Variants in ATP10A observed in about 807,000 individuals in gnomAD.
ATP10A encodes ATPase phospholipid transporting 10A (putative), also known as phospholipid-transporting ATPase VA.
A neutral mutation model predicts 147.8 loss-of-function variants in ATP10A; 111 were observed. The observed-to-expected ratio is 0.75, with a 90% CI of 0.64 to 0.88. The LOEUF (loss-of-function observed/expected upper bound fraction) is 0.88, where lower values mean the gene tolerates loss of function less well. Ranked by LOEUF, ATP10A falls within the 40% of genes least tolerant of loss-of-function variation. ATP10A has a pLI of 0.00. For missense variants in ATP10A, 1,927 were observed against 1,959.0 expected (o/e 0.98, Z 0.31); for synonymous variants, 875 against 841.6 (o/e 1.04, Z -0.69).
At chr15:25,830,825 C>G (rs1285404900) in intron 1 of ATP10A, among the ~76,000 whole-genome samples, 1 of 152,190 alleles carries the variant, frequency 6.6e-6, no homozygotes, top group Non-Finnish European at 1.5e-5. Context: ...AGGCTTTCAG[C>G]ACTTACCTGC....
At chr15:25,738,072 C>T (rs889151258) in intron 2 of ATP10A, among the ~76,000 whole-genome samples, 7 of 152,218 alleles carry the variant, frequency 4.6e-5, no homozygotes, top group Admixed American at 3.3e-4. Flanking sequence ...AAAAGCATTT[C>T]ATATCCAGAG....
At chr15:25,688,302 C>T (rs1056758737) in intron 15 of ATP10A, among the ~76,000 whole-genome samples, 6 of 152,124 alleles carry the variant, frequency 3.9e-5, no homozygotes, top group Admixed American at 1.3e-4. Flanking sequence ...TTGGGCTGTT[C>T]CCCCCAGAAG....
At chr15:25,724,274 T>A (rs1902417409) in intron 5 of ATP10A, among the ~76,000 whole-genome samples, 1 of 152,206 alleles carries the variant, frequency 6.6e-6, no homozygotes, top group Admixed American at 6.5e-5. Context: ...TGGCACCACT[T>A]GTCCCAACAC....
intron 2 of ATP10A, among the ~76,000 whole-genome samples, chr15:25,756,281 G>A (rs1231068605): frequency 1.3e-5 from 2 of 152,186 alleles, no homozygotes; most frequent in Non-Finnish European, 1.5e-5. Context: ...CTATATGTCT[G>A]TATGTGTTCT....
intron 1 of ATP10A, among the ~76,000 whole-genome samples, chr15:25,789,913 TG>T (rs1431210383): frequency 6.6e-6 from 1 of 152,150 alleles, no homozygotes; most frequent in Non-Finnish European, 1.5e-5. Flanking sequence ...AAATGCCTCC[TG>T]GGGGTGCAAA....
intron 1 of ATP10A, among the ~76,000 whole-genome samples, chr15:25,852,320 T>C (rs1015190587): frequency 6.6e-6 from 1 of 152,170 alleles, no homozygotes; most frequent in African/African-American, 2.4e-5. Context: ...CTCCCTCCTA[T>C]TGAATGCCAT....
chr15:25,683,079 G>A (rs538862161), intron 17 of ATP10A, among the ~76,000 whole-genome samples: 6 of 150,934 alleles, frequency 4.0e-5, no homozygotes, highest in African/African-American at 1.5e-4. Context: ...ACTCTTGGAG[G>A]GGGGACAGTT....
chr15:25,676,654 T>C (rs932740672), downstream of ATP10A, among the ~76,000 whole-genome samples: 1 of 152,228 alleles, frequency 6.6e-6, no homozygotes, highest in Admixed American at 6.5e-5. Flanking sequence ...GCGATTCTCA[T>C]GTCCTGAGAA....
At chr15:25,711,436 T>C (rs1308058450) in intron 10 of ATP10A, among the ~76,000 whole-genome samples, 1 of 152,114 alleles carries the variant, frequency 6.6e-6, no homozygotes, top group African/African-American at 2.4e-5. Context: ...GATCTGTGCA[T>C]AAGGGCAGGC....
Position 25,679,533 on chromosome 15 carries a change from G to C in ATP10A, c.4308C>G (p.Ser1436Arg), listed in dbSNP as rs371918462. Residue 1436 changes from serine (S) to arginine (R), a missense_variant, in exon 21 of 21, where the codon AGC becomes AGG. By Grantham distance (110) the Ser-to-Arg change is moderately radical (BLOSUM62 -1). Transcript: ENST00000555815. ...ACCAGGAGGAAATCCAGTTGAGTAA[G>C]CTGAAGGTAGGCAGGCTGAAGAGGG... is the stretch of plus-strand genomic sequence containing the variant. ...LSSLFSLPTFSLLNWISSWSL... is the reference protein window; with the variant it reads ...LSSLFSLPTFRLLNWISSWSL... The C allele has an allele frequency of 6.2e-7, 1 of 1,613,306 alleles. No homozygotes were observed. The highest frequency in any genetic ancestry group is 8.5e-7 in the Non-Finnish European group (1 of 1,179,380).
chr15:25,686,222 G>A (rs1295849192), intron 16 of ATP10A, among the ~76,000 whole-genome samples: 1 of 152,142 alleles, frequency 6.6e-6, no homozygotes, highest in Admixed American at 6.5e-5. Flanking sequence ...AGGGGAAAGA[G>A]AGGTTGGGAA....
Position 25,736,165 on chromosome 15 carries a change from T to C in ATP10A, c.655-24A>G, listed in dbSNP as rs1224925025. 6 of 1,601,414 alleles carry C rather than the reference T, an allele frequency of 3.7e-6. No homozygotes were observed. In the African/African-American group the frequency reaches 6.7e-5, roughly 18 times the overall value. On this transcript the variant is annotated intron_variant, in intron 2 of 20. Transcript: ENST00000555815. ...ACCTAAAATAACAGCACGTAGACAT[T>C]AGAGAAATCCGGGCTCAGGCTGCGC... is the stretch of plus-strand genomic sequence containing the variant.
chr15:25,685,321 G>A (rs996177223), intron 16 of ATP10A, among the ~76,000 whole-genome samples: 2 of 152,240 alleles, frequency 1.3e-5, no homozygotes, highest in Admixed American at 6.5e-5. Flanking sequence ...AAAAACAGGC[G>A]TCCTCTTCTC....
At chr15:25,730,770 TAATA>T (rs1316741584) in intron 3 of ATP10A, among the ~76,000 whole-genome samples, 1 of 152,108 alleles carries the variant, frequency 6.6e-6, no homozygotes, top group Admixed American at 6.5e-5. Context: ...TTTGTATAAA[TAATA>T]AATAAAAATA....
Position 25,702,035 on chromosome 15 carries a change from C to A in ATP10A, c.2641G>T (p.Ala881Ser), listed in dbSNP as rs745664226. 1.3e-5 allele frequency: 21 copies of A among 1,614,102 alleles called. No homozygotes were observed. In the African/African-American group the frequency reaches 2.5e-4, roughly 19 times the overall value. Residue 881 changes from alanine (A) to serine (S), a missense_variant, in exon 13 of 21, where the codon GCG (alanine) becomes TCG (serine). Transcript: ENST00000555815. ...GTGAGAACCCAAATCTGCAGGCCCG[C>A]TTGACGCAATTTAGAAATAGTTTCA... ...VPETISKLRQAGLQIWVLTGD... is the reference protein window; with the variant it reads ...VPETISKLRQSGLQIWVLTGD...
intron 1 of ATP10A, among the ~76,000 whole-genome samples, chr15:25,854,986 G>A: frequency 6.6e-6 from 1 of 151,292 alleles, no homozygotes; most frequent in East Asian, 1.9e-4. Context: ...TTGAACCTGG[G>A]AGGCGGAGGT....
At chr15:25,813,685 A>C (rs1222456918) in intron 1 of ATP10A, among the ~76,000 whole-genome samples, 1 of 152,240 alleles carries the variant, frequency 6.6e-6, no homozygotes, top group Non-Finnish European at 1.5e-5. Flanking sequence ...ATGGATTAAA[A>C]AATAAAATTT....
downstream of ATP10A, chr15:25,677,848 C>T (rs1596666959): frequency 6.6e-6 from 1 of 152,396 alleles, no homozygotes; most frequent in East Asian, 1.9e-4. Context: ...AGCACGTTCC[C>T]CTCCATTTGC....
At chr15:25,864,280 T>C (rs1893901162), upstream of ATP10A, among the ~76,000 whole-genome samples, 2 of 152,118 alleles carry the variant, frequency 1.3e-5, no homozygotes, top group African/African-American at 4.8e-5. Context: ...GTCCCCCACG[T>C]CCGCAGTGAG....
Sources: gnomAD v4.1 joint callset for allele counts (sites outside exome capture counted in the v4.1 genomes callset) on GRCh38, gnomAD v4.1.1 for gene constraint, MANE v1.5 for transcripts, NCBI Gene and HGNC (gene_info 2026-07-23, HGNC 2026-07-21) for gene names.